NAPEPLD: variants seen among roughly 807,000 people sequenced by gnomAD.
NAPEPLD encodes N-acyl-phosphatidylethanolamine-hydrolyzing phospholipase D.
NAPEPLD carries 23 observed loss-of-function variants against 38.1 expected under a neutral mutation model. The observed-to-expected ratio is 0.60, with a 90% CI of 0.43 to 0.86. The LOEUF is 0.86. Among genes scored for constraint, NAPEPLD ranks in the 40% least tolerant of loss-of-function variants. The pLI, the probability that NAPEPLD is intolerant of heterozygous loss-of-function variation, is 0.00. For missense variants in NAPEPLD, 411 were observed against 476.8 expected, an observed-to-expected ratio of 0.86 and a Z score of 1.28; for synonymous variants, 147 against 162.0, an observed-to-expected ratio of 0.91 and a Z score of 0.71.
At chr7:103,130,002 A>G (rs1808591963) in intron 1 of NAPEPLD, among the ~76,000 whole-genome samples, 1 of 152,240 alleles carries the variant, frequency 6.6e-6, no homozygotes, top group African/African-American at 2.4e-5. Context: ...CCAGATACAC[A>G]AAAGTGATAA....
At chr7:103,149,495 C>G (rs537249960), upstream of NAPEPLD, 2 of 1,263,562 alleles carry the variant, frequency 1.6e-6, no homozygotes, top group African/African-American at 1.6e-5. Flanking sequence ...TGGGGCGAGT[C>G]GTCGCCGGGT....
At chr7:103,134,501 T>G (rs779797041) in intron 1 of NAPEPLD, among the ~76,000 whole-genome samples, 8 of 151,930 alleles carry the variant, frequency 5.3e-5, no homozygotes, top group Non-Finnish European at 1.2e-4. Flanking sequence ...AATACAAAAA[T>G]TAGCTAGGCA....
At chr7:103,129,696 A>G (rs1808526862) in intron 1 of NAPEPLD, among the ~76,000 whole-genome samples, 1 of 152,252 alleles carries the variant, frequency 6.6e-6, no homozygotes, top group Non-Finnish European at 1.5e-5. Flanking sequence ...TAAATATATG[A>G]GAACTGCCAA....
intron 4 of NAPEPLD, among the ~76,000 whole-genome samples, chr7:103,104,367 TACAGA>T (rs1389632920): frequency 6.6e-6 from 1 of 152,160 alleles, no homozygotes; most frequent in African/African-American, 2.4e-5. Context: ...AGAAACCAAC[TACAGA>T]AGAGAAGAGG....
intron 1 of NAPEPLD, among the ~76,000 whole-genome samples, chr7:103,145,709 A>G (rs1004748746): frequency 1.3e-5 from 2 of 152,214 alleles, no homozygotes; most frequent in Admixed American, 6.5e-5. Flanking sequence ...AGAGAGTTAC[A>G]TGACATTCCA....
intron 3 of NAPEPLD, among the ~76,000 whole-genome samples, chr7:103,117,342 G>GA (rs1479512171): frequency 6.6e-6 from 1 of 152,216 alleles, no homozygotes; most frequent in Non-Finnish European, 1.5e-5. Flanking sequence ...AGGGAAAGAT[G>GA]AAAATGGTTT....
Position 103,148,874 on chromosome 7 carries a change from A to T in NAPEPLD, c.-80T>A. 8.1e-6 allele frequency: 8 copies of T among 985,414 alleles called. No homozygotes were observed. Among genetic ancestry groups the T allele is most frequent in the Non-Finnish European group, 9.6e-6 (8 of 829,930 alleles). 61.0% of individuals were successfully genotyped at this position (985,414 alleles called of 1,614,324 possible). On this transcript the variant is annotated 5_prime_UTR_variant, in exon 1 of 5. Coordinates refer to ENST00000465647, the MANE Select transcript of NAPEPLD (RefSeq NM_001122838.3). ...CAGGGAAGATAGGATCTCAAATCCC[A>T]GACAGCTACTCTCCCAAAGAGAAAA...
rs1585852565 is a variant in NAPEPLD at position 103,119,951 on chromosome 7, G to A, written c.567C>T (p.Asp189=). 6.2e-7 allele frequency: 1 copy of A among 1,614,180 alleles called. No homozygotes were observed. Among genetic ancestry groups the A allele is most frequent in the Non-Finnish European group, 8.5e-7 (1 of 1,180,030 alleles). The change falls in exon 3 of 5, where the codon GAC becomes GAT. Residue 189 remains aspartate (D), a synonymous_variant. Transcript: ENST00000465647. ...DAVLISHNHY[D]HLDYNSVIAL... is the part of the protein sequence containing the mutation. ...CAATGACAGAATTGTAGTCCAGATG[G>A]TCATAGTGGTTGTGACTGATAAGGA...
At chr7:103,142,306 G>A (rs1337112756) in intron 1 of NAPEPLD, among the ~76,000 whole-genome samples, 3 of 151,618 alleles carry the variant, frequency 2.0e-5, no homozygotes, top group African/African-American at 7.3e-5. Context: ...CACATTGCTA[G>A]GTAGAAAGTT....
intron 3 of NAPEPLD, among the ~76,000 whole-genome samples, chr7:103,116,767 G>A (rs1460109810): frequency 6.6e-6 from 1 of 152,216 alleles, no homozygotes; most frequent in East Asian, 1.9e-4. Context: ...AGGCTTGGGT[G>A]TGAATCCTAG....
At chr7:103,107,529 AG>A (rs893795782) in intron 4 of NAPEPLD, among the ~76,000 whole-genome samples, 39 of 152,256 alleles carry the variant, frequency 2.6e-4, no homozygotes, top group African/African-American at 7.9e-4. Flanking sequence ...ATTGCTAACT[AG>A]AAAAAACAGT....
chr7:103,134,626 G>A (rs904850755), intron 1 of NAPEPLD, among the ~76,000 whole-genome samples: 2 of 152,014 alleles, frequency 1.3e-5, no homozygotes, highest in African/African-American at 4.8e-5. Flanking sequence ...GACAGAGTGA[G>A]ACTCCATCTC....
intron 1 of NAPEPLD, among the ~76,000 whole-genome samples, chr7:103,145,891 A>C (rs948225027): frequency 6.6e-6 from 1 of 152,172 alleles, no homozygotes; most frequent in Non-Finnish European, 1.5e-5. Flanking sequence ...CAAGTTTAAA[A>C]AAAAAAAAAG....
At chr7:103,107,026 C>A (rs1264719951) in intron 4 of NAPEPLD, among the ~76,000 whole-genome samples, 1 of 152,124 alleles carries the variant, frequency 6.6e-6, no homozygotes, top group Non-Finnish European at 1.5e-5. Flanking sequence ...TGACGGGTGC[C>A]CTTCTGGGAC....
intron 1 of NAPEPLD, among the ~76,000 whole-genome samples, chr7:103,138,477 T>TC (rs1231748171): frequency 4.6e-5 from 7 of 151,172 alleles, no homozygotes; most frequent in Non-Finnish European, 3.0e-5. Context: ...ACAGCCCTTT[T>TC]TTTTTTTTGA....
At position 103,100,583 on chromosome 7, in the gene NAPEPLD, A is replaced by C. The variant is rs1802259911; in HGVS notation, c.*2846T>G. Reference sequence around the variant, plus strand: ...CCCTATTGGGCAGTGAGGCATAGCAAAGTATTCCTCAGTTATCACAGGAAA... The same window carrying C: ...CCCTATTGGGCAGTGAGGCATAGCACAGTATTCCTCAGTTATCACAGGAAA... On this transcript the variant is annotated 3_prime_UTR_variant, in exon 5 of 5. Coordinates refer to ENST00000465647, the MANE Select transcript of NAPEPLD (RefSeq NM_001122838.3). 6.6e-6 allele frequency: 1 copy of C among 152,256 alleles called. No individual in the cohort carries two copies. The highest frequency in any genetic ancestry group is 2.1e-4 in the South Asian group (1 of 4,834). 9.4% of individuals were successfully genotyped at this position (152,256 alleles called of 1,614,324 possible). A position where few individuals can be genotyped will look rare whatever the true frequency, so the allele number is the denominator to read the frequency against.
chr7:103,110,659 A>G (rs1804330084), intron 4 of NAPEPLD, among the ~76,000 whole-genome samples: 1 of 152,224 alleles, frequency 6.6e-6, no homozygotes, highest in African/African-American at 2.4e-5. Flanking sequence ...TTCCCTTTGA[A>G]AACCAGCACA....
In NAPEPLD at chr7:103,103,763, AATC is replaced by A. The variant is rs377405898; in HGVS notation, c.1057-212_1057-210del. On this transcript the variant is annotated intron_variant, in intron 4 of 4. Transcript: ENST00000465647. ...GTCAACAGGTATTTGGTTGGATAGAAATCATGCCAACACCATGTATGTGAAATT... is the reference window on the plus strand; with the variant it reads ...GTCAACAGGTATTTGGTTGGATAGAAATGCCAACACCATGTATGTGAAATT... Among the ~76,000 whole-genome samples the A allele has an allele frequency of 1.4e-4, 22 of 152,354 alleles. No individual in the cohort carries two copies. In the East Asian group the frequency reaches 4.2e-3, roughly 29 times the overall value.
intron 2 of NAPEPLD, among the ~76,000 whole-genome samples, chr7:103,120,681 A>G (rs1319322002): frequency 6.8e-6 from 1 of 146,938 alleles, no homozygotes; most frequent in East Asian, 2.0e-4. Flanking sequence ...TCAGACATGA[A>G]TCATGAATCT....
Sources: allele counts gnomAD v4.1 joint callset (sites outside exome capture counted in the v4.1 genomes callset), GRCh38; gene constraint gnomAD v4.1.1; transcripts MANE v1.5; gene names NCBI Gene and HGNC (gene_info 2026-07-23, HGNC 2026-07-21).